CACNA1B: variants seen among roughly 807,000 people sequenced by gnomAD.
The protein encoded by CACNA1B is calcium voltage-gated channel subunit alpha1 B, also known as voltage-dependent N-type calcium channel subunit alpha-1B.
In CACNA1B, 70 loss-of-function variants were observed where a neutral mutation model predicts 247.2. The ratio of observed to expected loss-of-function variants is 0.28; its 90% CI spans 0.23 to 0.35. The LOEUF is 0.35. CACNA1B is among the 10% of genes least tolerant of loss of function. The probability of loss-of-function intolerance (pLI) is 1.00; values close to 1 mark genes in which losing one functional copy is unlikely to be tolerated. For synonymous variants in CACNA1B, 1,231 were observed against 1,294.4 expected (o/e 0.95, Z 1.05); for missense variants, 2,367 against 3,197.4 (o/e 0.74, Z 6.26).
At chr9:138,046,794 TC>T (rs1959189288) in intron 21 of CACNA1B, 109 bp from the exon 22 acceptor site, 1 of 1,045,826 alleles carries the variant, frequency 9.6e-7, no homozygotes, top group Non-Finnish European at 1.4e-6. Context: ...GGCCACAGCT[TC>T]CTGAGGCAGC....
At position 137,880,186 on chromosome 9, in the gene CACNA1B, G is replaced by A. The variant is rs551064534; in HGVS notation, c.390+1027G>A. ...CCCAGGAGTGCAGAAGGGGAGACAGGGAGCCTGTCCTGGAGGTGAGGCACC... is the reference window on the plus strand; with the variant it reads ...CCCAGGAGTGCAGAAGGGGAGACAGAGAGCCTGTCCTGGAGGTGAGGCACC... On this transcript the variant is annotated intron_variant, in intron 2 of 46. Coordinates refer to ENST00000371372, the MANE Select transcript of CACNA1B (RefSeq NM_000718.4). This position sits in a 1 kb window ranked among gnomAD's most constrained non-coding sequence, Gnocchi z 4.8. Among the ~76,000 whole-genome samples the A allele has an allele frequency of 4.6e-5, 7 of 151,918 alleles. No homozygotes were observed. The highest frequency in any genetic ancestry group is 1.0e-4 in the Non-Finnish European group (7 of 67,968).
At chr9:138,111,094 C>G (rs1259267667) in intron 39 of CACNA1B, among the ~76,000 whole-genome samples, 5 of 152,152 alleles carry the variant, frequency 3.3e-5, no homozygotes, top group Admixed American at 3.3e-4. Flanking sequence ...TCTACATGTT[C>G]CCAGTCGGAA....
At chr9:138,117,055 A>G (rs1034637204) in intron 42 of CACNA1B, among the ~76,000 whole-genome samples, 8 of 152,220 alleles carry the variant, frequency 5.3e-5, no homozygotes, top group African/African-American at 1.2e-4. Flanking sequence ...GTGCCACTCA[A>G]CCTGCATGAC....
At chr9:137,959,417 A>C (rs1957985374) in intron 10 of CACNA1B, among the ~76,000 whole-genome samples, 1 of 152,108 alleles carries the variant, frequency 6.6e-6, no homozygotes, top group Non-Finnish European at 1.5e-5. Flanking sequence ...GTGGTAGCTA[A>C]ATAGTTTCCT....
Position 138,054,567 on chromosome 9 carries a change from T to G in CACNA1B, c.3968+561T>G, listed in dbSNP as rs1475746976. On this transcript the variant is annotated intron_variant, in intron 26 of 46. Coordinates refer to ENST00000371372, the MANE Select transcript of CACNA1B (RefSeq NM_000718.4). This position sits in a 1 kb window ranked among gnomAD's most constrained non-coding sequence, Gnocchi z 4.6. ...CGGCAGCGTCCCAGCTGCTTCTGTG[T>G]GAATATCATGCAGCTTCCTCCTGTG... 6.6e-6 allele frequency among the ~76,000 whole-genome samples: 1 copy of G among 152,174 alleles called. No individual in the cohort carries two copies.
intron 40 of CACNA1B, 74 bp downstream of exon 40, chr9:138,112,579 A>AGGTGAG: frequency 9.7e-7 from 1 of 1,034,886 alleles, no homozygotes; most frequent in Non-Finnish European, 1.5e-6. Context: ...AGGGCTGTGG[A>AGGTGAG]GGTGAGGGTG....
In CACNA1B at chr9:138,096,625, G is replaced by A. The variant is rs199527410; in HGVS notation, c.5222+14G>A. ...CCCGGCTGCGTGGTAAGTGAGCCGT[G>A]GTGCTCTGTGGTCCTTGGGGGTGGT... On this transcript the variant is annotated intron_variant, in intron 37 of 46. Coordinates refer to ENST00000371372, the MANE Select transcript of CACNA1B (RefSeq NM_000718.4). The A allele has an allele frequency of 8.7e-6, 14 of 1,608,258 alleles. No homozygotes were observed. Among genetic ancestry groups the A allele is most frequent in the African/African-American group, 1.3e-5 (1 of 74,592 alleles).
At chr9:137,975,498 A>C (rs1958208869) in intron 11 of CACNA1B, among the ~76,000 whole-genome samples, 1 of 151,266 alleles carries the variant, frequency 6.6e-6, no homozygotes, top group Admixed American at 6.6e-5. Context: ...GGGTGAGGCC[A>C]GAGGCGGAAG....
Position 138,123,419 on chromosome 9 carries a change from T to C in CACNA1B, c.*1420T>C, listed in dbSNP as rs938539469. The C allele has an allele frequency of 6.6e-6, 1 of 152,364 alleles. No homozygotes were observed. Among genetic ancestry groups the C allele is most frequent in the Non-Finnish European group, 1.5e-5 (1 of 68,116 alleles). 9.4% of individuals were successfully genotyped at this position (152,364 alleles called of 1,614,324 possible). A position where few individuals can be genotyped will look rare whatever the true frequency, so the allele number is the denominator to read the frequency against. On this transcript the variant is annotated 3_prime_UTR_variant, in exon 47 of 47. Coordinates refer to ENST00000371372, the MANE Select transcript of CACNA1B (RefSeq NM_000718.4). ...ACACTGTCCAAGGTGCACAAGATGC[T>C]GGGAGGTCCCTTGTTTGGTGAAGAA...
intron 6 of CACNA1B, among the ~76,000 whole-genome samples, chr9:137,937,857 G>T (rs1409568646): frequency 7.1e-5 from 10 of 140,562 alleles, no homozygotes; most frequent in Non-Finnish European, 1.2e-4. Flanking sequence ...TGAGGTAAGA[G>T]AATCGCTTGA....
rs912138793 is a variant in CACNA1B, at chr9:137,880,730, G to C, written c.390+1571G>C. Among the ~76,000 whole-genome samples the C allele has an allele frequency of 6.6e-6, 1 of 152,192 alleles. No homozygotes were observed. The highest frequency in any genetic ancestry group is 1.9e-4 in the East Asian group (1 of 5,190). On this transcript the variant is annotated intron_variant, in intron 2 of 46. Transcript: ENST00000371372. The surrounding 1 kb of genome is among the most constrained non-coding windows in gnomAD (Gnocchi z 4.8). ...TCTGGGGAGCTCTTGACCAGTCCCA[G>C]TCCCATGTGCAGGCCCAGCCATTGA...
chr9:137,975,057 C>G (rs1958202417), intron 11 of CACNA1B, among the ~76,000 whole-genome samples: 1 of 152,180 alleles, frequency 6.6e-6, no homozygotes, highest in Non-Finnish European at 1.5e-5. Flanking sequence ...TCACCCAGCT[C>G]TGGAGCCACG....
intron 20 of CACNA1B, among the ~76,000 whole-genome samples, chr9:138,031,129 G>A (rs895196290): frequency 6.6e-6 from 1 of 152,036 alleles, no homozygotes; most frequent in Non-Finnish European, 1.5e-5. Flanking sequence ...TGGGGTAGGA[G>A]CTTAGATTGT....
At chr9:137,936,014 G>T (rs540666879) in intron 6 of CACNA1B, among the ~76,000 whole-genome samples, 1 of 152,146 alleles carries the variant, frequency 6.6e-6, no homozygotes, top group Non-Finnish European at 1.5e-5. Flanking sequence ...CTGCCACCAC[G>T]CCCGGCTAAT....
intron 10 of CACNA1B, among the ~76,000 whole-genome samples, chr9:137,970,916 A>T (rs1003690252): frequency 4.6e-5 from 7 of 152,202 alleles, no homozygotes; most frequent in Non-Finnish European, 1.0e-4. Context: ...AACTGCTTAG[A>T]AAACAGGCAG....
chr9:138,081,871 C>T (rs1037702416), intron 36 of CACNA1B, among the ~76,000 whole-genome samples: 2 of 150,964 alleles, frequency 1.3e-5, no homozygotes, highest in Admixed American at 6.6e-5. Flanking sequence ...AATCAGTAAT[C>T]GAAAACTTCC....
In CACNA1B at chr9:137,884,544, C is replaced by T. The variant is rs1226923815; in HGVS notation, c.530+1661C>T. Among the ~76,000 whole-genome samples the T allele has an allele frequency of 6.9e-5, 10 of 145,730 alleles. No homozygotes were observed. In the East Asian group the frequency reaches 1.8e-3, roughly 27 times the overall value. On this transcript the variant is annotated intron_variant, in intron 3 of 46. Transcript: ENST00000371372. ...TGGTAGCTGTTTACCCCTCTCTCTC[C>T]CTGTGGACCCAAGTCCCTGAGGACA...
rs1005271849 is a variant in CACNA1B, at chr9:137,891,834, C to T, written c.530+8951C>T. 41 of 357,436 alleles carry T rather than the reference C, an allele frequency of 1.1e-4. No individual in the cohort carries two copies. Among genetic ancestry groups the T allele is most frequent in the Non-Finnish European group, 2.2e-4 (40 of 179,972 alleles). 22.1% of individuals were successfully genotyped at this position (357,436 alleles called of 1,614,324 possible). ...TCTACTCCAGCCAGACGGACGCTAA[C>T]GCAGATTCATTCCTAGCAGGTCACA... On this transcript the variant is annotated intron_variant, in intron 3 of 46. Transcript: ENST00000371372. The surrounding 1 kb of genome is among the most constrained non-coding windows in gnomAD (Gnocchi z 4.3).
In CACNA1B at chr9:137,974,070, C is replaced by T. The variant is rs1958189107; in HGVS notation, c.1544-1837C>T. Among the ~76,000 whole-genome samples the T allele has an allele frequency of 6.6e-6, 1 of 152,120 alleles. No individual in the cohort carries two copies. Among genetic ancestry groups the T allele is most frequent in the Non-Finnish European group, 1.5e-5 (1 of 68,016 alleles). Reference sequence around the variant, plus strand: ...GGCCTTTGTGACCCACGCAGAGGGGCTCTGGGACTTTGTGGCCAGGCGTGT... The same window carrying T: ...GGCCTTTGTGACCCACGCAGAGGGGTTCTGGGACTTTGTGGCCAGGCGTGT... On this transcript the variant is annotated intron_variant, in intron 11 of 46. Coordinates refer to ENST00000371372, the MANE Select transcript of CACNA1B (RefSeq NM_000718.4). This position sits in a 1 kb window ranked among gnomAD's most constrained non-coding sequence, Gnocchi z 4.5.
Sources: allele counts gnomAD v4.1 joint callset (sites outside exome capture counted in the v4.1 genomes callset), GRCh38; gene constraint gnomAD v4.1.1; non-coding constraint Gnocchi (gnomAD v3.1); transcripts MANE v1.5; gene names NCBI Gene and HGNC (gene_info 2026-07-23, HGNC 2026-07-21).